Variants in ZNG1A observed in about 807,000 individuals in gnomAD.
The protein encoded by ZNG1A is zinc-regulated GTPase metalloprotein activator 1A.
chr9:130,022 G>C, the ZNG1A span, among the ~76,000 whole-genome samples: 1 of 150,302 alleles, frequency 6.7e-6, no homozygotes, highest in East Asian at 1.9e-4. Context: ...ACTGAACAGT[G>C]TATGGAAATA....
At chr9:137,467 A>T in the ZNG1A span, among the ~76,000 whole-genome samples, 1 of 151,934 alleles carries the variant, frequency 6.6e-6, no homozygotes, top group Non-Finnish European at 1.5e-5. Context: ...AACTATCAAA[A>T]CTGCCCACAG....
At chr9:159,014 G>C in the ZNG1A span, among the ~76,000 whole-genome samples, 1 of 151,884 alleles carries the variant, frequency 6.6e-6, no homozygotes, top group Non-Finnish European at 1.5e-5. Context: ...CATTAAGTCA[G>C]ATGACTTTCA....
chr9:154,843 C>T, the ZNG1A span: 14 of 1,393,786 alleles, frequency 1.0e-5, no homozygotes, highest in South Asian at 3.7e-5. Flanking sequence ...ATAATATACA[C>T]GCATGCAGAT....
the ZNG1A span, among the ~76,000 whole-genome samples, chr9:139,679 C>G: frequency 6.6e-6 from 1 of 151,858 alleles, no homozygotes; most frequent in African/African-American, 2.4e-5. Flanking sequence ...CAAATAGGAA[C>G]AGCTCCGGTC....
At chr9:160,426 A>G in the ZNG1A span, among the ~76,000 whole-genome samples, 1 of 152,134 alleles carries the variant, frequency 6.6e-6, no homozygotes, top group Non-Finnish European at 1.5e-5. Context: ...AAAATTCTTT[A>G]TATCAAGGCA....
chr9:158,612 T>A, the ZNG1A span, among the ~76,000 whole-genome samples: 1 of 150,646 alleles, frequency 6.6e-6, no homozygotes, highest in African/African-American at 2.5e-5. Flanking sequence ...TTAAATGCAT[T>A]TACCTCTCCA....
At chr9:143,425 C>T in the ZNG1A span, among the ~76,000 whole-genome samples, 1 of 127,340 alleles carries the variant, frequency 7.9e-6, no homozygotes, top group Admixed American at 8.3e-5. Context: ...AGCATATAAA[C>T]AGAACCAAAG....
the ZNG1A span, chr9:177,730 C>A: frequency 4.7e-5 from 72 of 1,527,718 alleles, 2 homozygotes; most frequent in South Asian, 8.3e-4. Flanking sequence ...TACCAGTGAG[C>A]AATACGGGAA....
At chr9:140,296 C>T in the ZNG1A span, among the ~76,000 whole-genome samples, 4 of 152,004 alleles carry the variant, frequency 2.6e-5, no homozygotes, top group South Asian at 6.2e-4. Context: ...GTGGTTCTCC[C>T]AGCACGCAGC....
At chr9:166,451 A>G in the ZNG1A span, 1 of 152,436 alleles carries the variant, frequency 6.6e-6, no homozygotes, top group African/African-American at 2.4e-5. Flanking sequence ...ATGCATATGT[A>G]TTACAGCCTG....
the ZNG1A span, among the ~76,000 whole-genome samples, chr9:141,486 A>G: frequency 2.0e-5 from 3 of 149,754 alleles, no homozygotes; most frequent in Non-Finnish European, 4.4e-5. Flanking sequence ...CAGACAAGCA[A>G]ATGCTGAGAG....
chr9:152,033 C>CCTTGAT, the ZNG1A span: 1 of 624,364 alleles, frequency 1.6e-6, no homozygotes, highest in East Asian at 2.9e-5. Context: ...TTTTAAAGTA[C>CCTTGAT]CTTGATCTTT....
At chr9:145,732 AAAAAT>A in the ZNG1A span, among the ~76,000 whole-genome samples, 1 of 148,832 alleles carries the variant, frequency 6.7e-6, no homozygotes, top group Non-Finnish European at 1.5e-5. Context: ...AAACTCAAGA[AAAAAT>A]AAAAAATAAA....
At chr9:172,436 C>A in the ZNG1A span, 1 of 346,002 alleles carries the variant, frequency 2.9e-6, no homozygotes, top group Non-Finnish European at 5.4e-6. Flanking sequence ...TTTATCTGAC[C>A]AAGTATCTTT....
the ZNG1A span, among the ~76,000 whole-genome samples, chr9:140,433 C>A: frequency 2.0e-5 from 3 of 151,148 alleles, no homozygotes; most frequent in African/African-American, 4.9e-5. Context: ...GGTACTCCAA[C>A]AGACCTGCAG....
At chr9:140,069 G>A in the ZNG1A span, among the ~76,000 whole-genome samples, 729 of 150,834 alleles carry the variant, frequency 4.8e-3, 30 homozygotes, top group Middle Eastern at 0.017. Flanking sequence ...ACTGCAAGGC[G>A]GCAGCGAGGC....
At chr9:167,682 T>C in the ZNG1A span, 1 of 150,248 alleles carries the variant, frequency 6.7e-6, no homozygotes, top group South Asian at 2.1e-4. Context: ...AAGAATATGA[T>C]CAACATGAAA....
chr9:131,862 C>G, the ZNG1A span, among the ~76,000 whole-genome samples: 2 of 148,168 alleles, frequency 1.3e-5, no homozygotes, highest in African/African-American at 5.2e-5. Context: ...CTTGAGTTCT[C>G]TTTGTCTAGC....
At chr9:175,154 T>C in the ZNG1A span, among the ~76,000 whole-genome samples, 1 of 151,902 alleles carries the variant, frequency 6.6e-6, no homozygotes, top group African/African-American at 2.4e-5. Context: ...CCGAGGCGGG[T>C]GGATCACAAG....
Sources: allele counts gnomAD v4.1 joint callset (sites outside exome capture counted in the v4.1 genomes callset), GRCh38; gene constraint gnomAD v4.1.1; transcripts MANE v1.5; gene names NCBI Gene and HGNC (gene_info 2026-07-23, HGNC 2026-07-21).